Variants in XKR4 observed in about 807,000 individuals in gnomAD.
The protein encoded by XKR4 is XK-related protein 4.
XKR4 carries 12 observed loss-of-function variants against 53.9 expected under a neutral mutation model. The observed-to-expected ratio is 0.22, with a 90% CI of 0.14 to 0.36. The LOEUF (loss-of-function observed/expected upper bound fraction) is 0.36, where lower values mean the gene tolerates loss of function less well. Ranked by LOEUF, XKR4 falls within the 10% of genes least tolerant of loss-of-function variation. The pLI, the probability that XKR4 is intolerant of heterozygous loss-of-function variation, is 1.00. For missense variants in XKR4, 799 were observed against 859.5 expected, an observed-to-expected ratio of 0.93 and a Z score of 0.88; for synonymous variants, 354 against 362.4, an observed-to-expected ratio of 0.98 and a Z score of 0.26.
intron 1 of XKR4, among the ~76,000 whole-genome samples, chr8:55,337,565 T>C (rs1192723342): frequency 6.6e-6 from 1 of 152,120 alleles, no homozygotes; most frequent in Non-Finnish European, 1.5e-5. Context: ...GGAGGGTATA[T>C]CATATTAACA....
At chr8:55,265,047 A>G (rs1818577138) in intron 1 of XKR4, among the ~76,000 whole-genome samples, 1 of 152,120 alleles carries the variant, frequency 6.6e-6, no homozygotes, top group South Asian at 2.1e-4. Context: ...TCTTTTGACC[A>G]CTGTGTTCGC....
At chr8:55,103,371 C>G (rs993707531) in intron 1 of XKR4, 77 bp downstream of exon 1, 1 of 1,514,520 alleles carries the variant, frequency 6.6e-7, no homozygotes, top group Non-Finnish European at 8.8e-7. Context: ...GCACGGAAAT[C>G]TTTCAGGGTT....
At chr8:55,345,796 A>C (rs1803627672) in intron 1 of XKR4, among the ~76,000 whole-genome samples, 1 of 152,124 alleles carries the variant, frequency 6.6e-6, no homozygotes, top group Non-Finnish European at 1.5e-5. Flanking sequence ...GACAATGAAG[A>C]GTGGAGTGTG....
At chr8:55,221,789 C>T (rs993353335) in intron 1 of XKR4, among the ~76,000 whole-genome samples, 5 of 152,162 alleles carry the variant, frequency 3.3e-5, no homozygotes, top group African/African-American at 7.2e-5. Context: ...AGGGTCTCAC[C>T]GGACAAGCTT....
intron 1 of XKR4, among the ~76,000 whole-genome samples, chr8:55,206,408 C>T (rs1000800750): frequency 7.2e-5 from 11 of 152,086 alleles, no homozygotes; most frequent in African/African-American, 2.7e-4. Flanking sequence ...TTCTCCCAGT[C>T]CCCACCCACC....
intron 2 of XKR4, among the ~76,000 whole-genome samples, chr8:55,481,420 T>G (rs1433515954): frequency 2.6e-5 from 4 of 151,946 alleles, no homozygotes; most frequent in African/African-American, 7.3e-5. Context: ...GACTTACATG[T>G]TAGACCTAAA....
chr8:55,259,480 T>C (rs1818486202), intron 1 of XKR4, among the ~76,000 whole-genome samples: 1 of 152,112 alleles, frequency 6.6e-6, no homozygotes, highest in Non-Finnish European at 1.5e-5. Context: ...GTTACAGCGA[T>C]TGAAGAAGTG....
At chr8:55,517,720 A>T (rs1181383472) in intron 2 of XKR4, 1 of 152,124 alleles carries the variant, frequency 6.6e-6, no homozygotes, top group African/African-American at 2.4e-5. Flanking sequence ...GGGCCCAGAG[A>T]GCTGCCAGGT....
chr8:55,304,006 T>G (rs1199404950), intron 1 of XKR4, among the ~76,000 whole-genome samples: 3 of 152,008 alleles, frequency 2.0e-5, no homozygotes, highest in Admixed American at 6.6e-5. Context: ...CTTCAGTTCT[T>G]CTCTGATCTT....
rs1423832127 is a variant in XKR4, at chr8:55,535,232, T to A, written c.*11005T>A. The A allele has an allele frequency of 2.6e-5, 4 of 151,946 alleles. No homozygotes were observed. The highest frequency in any genetic ancestry group is 7.2e-5 in the African/African-American group (3 of 41,384). 9.4% of individuals were successfully genotyped at this position (151,946 alleles called of 1,614,324 possible). A position where few individuals can be genotyped will look rare whatever the true frequency, so the allele number is the denominator to read the frequency against. On this transcript the variant is annotated 3_prime_UTR_variant, in exon 3 of 3. Transcript: ENST00000327381. ...CTTATTTTCTTTTTTTTTTTAATTTTATTATTATTATACTTTAAGTTTTAG... is the reference window on the plus strand; with the variant it reads ...CTTATTTTCTTTTTTTTTTTAATTTAATTATTATTATACTTTAAGTTTTAG...
intron 1 of XKR4, among the ~76,000 whole-genome samples, chr8:55,312,232 G>A (rs1220051177): frequency 1.3e-5 from 2 of 151,824 alleles, no homozygotes; most frequent in East Asian, 3.9e-4. Context: ...TCTGAAAATA[G>A]GAGATTAGAC....
chr8:55,219,549 T>G (rs1042013695), intron 1 of XKR4, among the ~76,000 whole-genome samples: 4 of 152,214 alleles, frequency 2.6e-5, no homozygotes, highest in African/African-American at 9.7e-5. Flanking sequence ...GTCTGGACTC[T>G]GAGAAGGATG....
In XKR4 at chr8:55,475,385, TTTGTTGTTGTTGTTG is replaced by T. The variant is rs60246172; in HGVS notation, c.1007-47878_1007-47864del. 7.2e-4 allele frequency among the ~76,000 whole-genome samples: 108 copies of T among 149,596 alleles called. 2 individuals are homozygous for T. The highest frequency in any genetic ancestry group is 2.6e-3 in the African/African-American group (105 of 40,408). The stretch of plus-strand genomic sequence containing the variant: ...CGATTCATAAATGTTTTTTGCTTAT[TTTGTTGTTGTTGTTG>T]TTGTTGTTGTTGTTGTTAGGCTATT... On this transcript the variant is annotated intron_variant, in intron 2 of 2. Transcript: ENST00000327381.
intron 2 of XKR4, among the ~76,000 whole-genome samples, chr8:55,519,298 T>G (rs1202895228): frequency 6.6e-6 from 1 of 152,214 alleles, no homozygotes; most frequent in Non-Finnish European, 1.5e-5. Context: ...ATACTATTCA[T>G]TATTTTGAAA....
chr8:55,504,739 G>T (rs1352843380), intron 2 of XKR4, among the ~76,000 whole-genome samples: 1 of 152,110 alleles, frequency 6.6e-6, no homozygotes, highest in Admixed American at 6.5e-5. Context: ...CCTTACTAGT[G>T]ATAGGTCTGT....
At chr8:55,418,223 T>C (rs761148891) in intron 2 of XKR4, among the ~76,000 whole-genome samples, 1 of 151,914 alleles carries the variant, frequency 6.6e-6, no homozygotes, top group Non-Finnish European at 1.5e-5. Flanking sequence ...ATGGAGGGGG[T>C]GTGGATAGCC....
chr8:55,207,737 G>GAAGAGGAAGAGGAGGAGT (rs1817670757), intron 1 of XKR4, among the ~76,000 whole-genome samples: 1 of 152,008 alleles, frequency 6.6e-6, no homozygotes, highest in South Asian at 2.1e-4. Context: ...AGAAGAGGAG[G>GAAGAGGAAGAGGAGGAGT]AAGAGGAAGA....
intron 1 of XKR4, among the ~76,000 whole-genome samples, chr8:55,332,355 A>T (rs913786511): frequency 6.6e-6 from 1 of 151,966 alleles, no homozygotes; most frequent in Admixed American, 6.6e-5. Flanking sequence ...ACAAATTATA[A>T]TTTTTTTATA....
At chr8:55,486,200 A>G (rs1806189141) in intron 2 of XKR4, among the ~76,000 whole-genome samples, 1 of 152,208 alleles carries the variant, frequency 6.6e-6, no homozygotes, top group Non-Finnish European at 1.5e-5. Flanking sequence ...AATTGTGTGC[A>G]CCCAGCTTTA....
Sources: allele counts gnomAD v4.1 joint callset (sites outside exome capture counted in the v4.1 genomes callset), GRCh38; gene constraint gnomAD v4.1.1; transcripts MANE v1.5; gene names NCBI Gene and HGNC (gene_info 2026-07-23, HGNC 2026-07-21).